CREB3L2: variants seen among roughly 807,000 people sequenced by gnomAD.
CREB3L2 encodes cAMP responsive element binding protein 3 like 2.
CREB3L2 carries 23 observed loss-of-function variants against 57.2 expected under a neutral mutation model. The ratio of observed to expected loss-of-function variants is 0.40; its 90% confidence interval spans 0.29 to 0.57. CREB3L2 has a LOEUF of 0.57. CREB3L2 is among the 20% of genes least tolerant of loss of function. The probability of loss-of-function intolerance (pLI) is 0.42; values close to 1 mark genes in which losing one functional copy is unlikely to be tolerated. For synonymous variants in CREB3L2, 268 were observed against 265.1 expected, an observed-to-expected ratio of 1.01 and a Z score of -0.11; for missense variants, 628 against 634.7, an observed-to-expected ratio of 0.99 and a Z score of 0.11.
intron 1 of CREB3L2, among the ~76,000 whole-genome samples, chr7:137,983,174 T>C (rs533727950): frequency 1.2e-3 from 190 of 152,334 alleles, no homozygotes; most frequent in African/African-American, 4.3e-3. Flanking sequence ...TCTGAAACAC[T>C]AGTCTCCTTA....
In CREB3L2 at chr7:137,995,333, C is replaced by CTTT. The variant is rs10676214; in HGVS notation, c.102+6268_102+6270dup. ...CTATTTCTTTTTTTTTCTTTTCTTT[C>CTTT]TTTTTTTTTTTTTTTTTTTGAGACA... On this transcript the variant is annotated intron_variant, in intron 1 of 11. Transcript: ENST00000330387. 8.6e-4 allele frequency among the ~76,000 whole-genome samples: 75 copies of CTTT among 87,426 alleles called. 6 individuals are homozygous for CTTT. The highest frequency in any genetic ancestry group is 3.0e-3 in the Admixed American group (18 of 5,908). The allele number at this position is 87,426 out of a possible 152,430, so 57.4% of individuals were successfully genotyped here.
At chr7:137,936,196 C>A (rs1400517770) in intron 1 of CREB3L2, among the ~76,000 whole-genome samples, 4 of 152,182 alleles carry the variant, frequency 2.6e-5, no homozygotes, top group African/African-American at 2.4e-5. Flanking sequence ...ACAGAGTTAT[C>A]CCAAGGTGCA....
intron 1 of CREB3L2, among the ~76,000 whole-genome samples, chr7:137,988,920 A>G (rs1344347997): frequency 7.0e-6 from 1 of 142,312 alleles, no homozygotes; most frequent in Non-Finnish European, 1.5e-5. Flanking sequence ...ATAGCAAGAA[A>G]GGAAGAGAAA....
chr7:137,899,841 A>C (rs117946866), intron 8 of CREB3L2, among the ~76,000 whole-genome samples: 11 of 152,344 alleles, frequency 7.2e-5, no homozygotes, highest in Non-Finnish European at 1.3e-4. Context: ...TTTGAGCAAC[A>C]AACCATGAAG....
rs1198455288 is a variant in CREB3L2 at position 137,885,130 on chromosome 7, G to C, written c.1144-9C>G. 3.1e-6 allele frequency: 5 copies of C among 1,613,810 alleles called. No individual in the cohort carries two copies. In the South Asian group the frequency reaches 5.5e-5, roughly 18 times the overall value. On this transcript the variant is annotated splice_polypyrimidine_tract_variant and intron_variant, in intron 9 of 11. Transcript: ENST00000330387. ...AAGCACAGCACCACAACCTGTGGGA[G>C]AGAAAGAGGGGAGAGAGAACACGAG...
intron 1 of CREB3L2, among the ~76,000 whole-genome samples, chr7:137,946,830 CTA>C (rs1303257342): frequency 0.045 from 907 of 20,362 alleles, 179 homozygotes; most frequent in African/African-American, 0.2. Context: ...ATATAGTTAT[CTA>C]TATATAGTTA....
chr7:137,960,257 A>G (rs1429741089), intron 1 of CREB3L2, among the ~76,000 whole-genome samples: 1 of 152,246 alleles, frequency 6.6e-6, no homozygotes, highest in Non-Finnish European at 1.5e-5. Context: ...GTCTGGTTAC[A>G]TAGCTCATGA....
intron 1 of CREB3L2, among the ~76,000 whole-genome samples, chr7:137,940,708 T>C (rs956515614): frequency 2.6e-5 from 4 of 152,148 alleles, no homozygotes; most frequent in Admixed American, 2.6e-4. Context: ...GCCAAAAACA[T>C]CAGGTATGAA....
At chr7:137,955,425 C>T (rs1801189847) in intron 1 of CREB3L2, 38 of 638,942 alleles carry the variant, frequency 5.9e-5, no homozygotes, top group South Asian at 5.6e-4. Context: ...CCCTTAATCC[C>T]CACACGCCAA....
intron 1 of CREB3L2, among the ~76,000 whole-genome samples, chr7:137,984,135 C>T (rs76168974): frequency 0.036 from 5,468 of 152,272 alleles, 336 homozygotes; most frequent in African/African-American, 0.12. Context: ...TCACAGGTCC[C>T]GACCAGACCT....
At chr7:137,985,036 C>T (rs1222235958) in intron 1 of CREB3L2, among the ~76,000 whole-genome samples, 2 of 152,250 alleles carry the variant, frequency 1.3e-5, no homozygotes, top group East Asian at 1.9e-4. Flanking sequence ...TTTGCTTTTA[C>T]TTAAAATAAA....
chr7:137,953,314 T>C, intron 1 of CREB3L2: 1 of 401,614 alleles, frequency 2.5e-6, no homozygotes, highest in South Asian at 1.9e-5. Flanking sequence ...TACCGCTTAG[T>C]TGATTAACTG....
intron 1 of CREB3L2, among the ~76,000 whole-genome samples, chr7:137,960,809 C>CTTT (rs66493086): frequency 0.01 from 1,001 of 95,490 alleles, 70 homozygotes; most frequent in Non-Finnish European, 0.012. Flanking sequence ...TAAATTATTT[C>CTTT]TTTTTTTTTT....
At chr7:138,000,770 C>T (rs1307067969) in intron 1 of CREB3L2, among the ~76,000 whole-genome samples, 1 of 152,030 alleles carries the variant, frequency 6.6e-6, no homozygotes, top group East Asian at 1.9e-4. Flanking sequence ...TCAGTGCTGG[C>T]TATTGAAAAC....
intron 8 of CREB3L2, among the ~76,000 whole-genome samples, chr7:137,892,937 G>C (rs1212032276): frequency 2.0e-5 from 3 of 152,084 alleles, no homozygotes; most frequent in Non-Finnish European, 4.4e-5. Context: ...CAATCTCAAA[G>C]ACATTTAAAT....
Position 137,875,949 on chromosome 7 carries a change from C to T in CREB3L2, c.*4527G>A, listed in dbSNP as rs1377722136. On this transcript the variant is annotated 3_prime_UTR_variant, in exon 12 of 12. Transcript: ENST00000330387. Reference sequence around the variant, plus strand: ...AGTTTTTTCCTGTGTTAAGTGCTGACCCTTTGACCACAAAGGCATGGAACA... The same window carrying T: ...AGTTTTTTCCTGTGTTAAGTGCTGATCCTTTGACCACAAAGGCATGGAACA... 8.8e-6 allele frequency: 2 copies of T among 227,146 alleles called. No individual in the cohort carries two copies. Among genetic ancestry groups the T allele is most frequent in the Admixed American group, 5.7e-5 (1 of 17,574 alleles). The allele number at this position is 227,146 out of a possible 1,614,324, so 14.1% of individuals were successfully genotyped here. A position where few individuals can be genotyped will look rare whatever the true frequency, so the allele number is the denominator to read the frequency against.
At chr7:137,881,200 T>G (rs1371432479) in intron 11 of CREB3L2, among the ~76,000 whole-genome samples, 2 of 152,136 alleles carry the variant, frequency 1.3e-5, no homozygotes, top group Admixed American at 1.3e-4. Flanking sequence ...GTGGCTACAT[T>G]GGCAAGTCTC....
Position 137,915,983 on chromosome 7 carries a change from A to T in CREB3L2, c.349T>A (p.Ser117Thr), listed in dbSNP as rs2117219918. Reference protein sequence around the residue: ...DEVESEKWYLSTDFPSTSIKT... With the variant: ...DEVESEKWYLTTDFPSTSIKT... ...ATGGATGTTGAAGGGAAGTCTGTAG[A>T]CAGGTACCATTTCTCACTTTCCACC... Residue 117 changes from serine (S) to threonine (T), a missense_variant, in exon 3 of 12, where the codon TCT becomes ACT. Ser to Thr is a moderately conservative substitution (Grantham distance 58, BLOSUM62 1). Around this residue, in one of 3 missense-constraint regions of CREB3L2, gnomAD observed 339 missense variants for 355.4 expected, o/e 0.95. Transcript: ENST00000330387. 6.2e-7 allele frequency: 1 copy of T among 1,613,694 alleles called. No individual in the cohort carries two copies. Among genetic ancestry groups the T allele is most frequent in the African/African-American group, 1.3e-5 (1 of 75,008 alleles).
At chr7:137,916,440 G>A (rs985940647) in intron 2 of CREB3L2, among the ~76,000 whole-genome samples, 4 of 152,142 alleles carry the variant, frequency 2.6e-5, no homozygotes, top group African/African-American at 9.7e-5. Context: ...AAGCAGCCGG[G>A]CACAGTGGCT....
Sources: gnomAD v4.1 joint callset for allele counts (sites outside exome capture counted in the v4.1 genomes callset) on GRCh38, gnomAD v4.1.1 for gene constraint, gnomAD v4.1.1 regional missense constraint, MANE v1.5 for transcripts, NCBI Gene and HGNC (gene_info 2026-07-23, HGNC 2026-07-21) for gene names.